ECT2: variants seen among roughly 807,000 people sequenced by gnomAD.
ECT2 encodes epithelial cell transforming 2.
Under a neutral mutation model 116.9 loss-of-function variants are expected in ECT2, and 61 were observed. The observed-to-expected ratio is 0.52, with a 90% CI of 0.42 to 0.65. The LOEUF (loss-of-function observed/expected upper bound fraction) is 0.65, where lower values mean the gene tolerates loss of function less well. Among genes scored for constraint, ECT2 ranks in the 30% least tolerant of loss-of-function variants. The pLI, the probability that ECT2 is intolerant of heterozygous loss-of-function variation, is 0.00. For missense variants in ECT2, 937 were observed against 1,078.7 expected (o/e 0.87, Z 1.84); for synonymous variants, 358 against 346.4 (o/e 1.03, Z -0.37).
intron 18 of ECT2, among the ~76,000 whole-genome samples, chr3:172,789,236 T>G (rs1170341594): frequency 2.7e-5 from 3 of 110,806 alleles, no homozygotes; most frequent in African/African-American, 6.2e-5. Flanking sequence ...TTTTTTTTTT[T>G]GAGACAGGAT....
chr3:172,757,160 G>A lies in ECT2; in HGVS notation c.481G>A (p.Gly161Arg). 3.3e-6 allele frequency: 5 copies of A among 1,496,672 alleles called. No homozygotes were observed. The highest frequency in any genetic ancestry group is 4.4e-6 in the Non-Finnish European group (5 of 1,127,058). 92.7% of individuals were successfully genotyped at this position (1,496,672 alleles called of 1,614,324 possible). A position where few individuals can be genotyped will look rare whatever the true frequency, so the allele number is the denominator to read the frequency against. Residue 161 changes from glycine (G) to arginine (R), a missense_variant, in exon 5 of 25, where the codon GGA (glycine) becomes AGA (arginine). Coordinates refer to ENST00000392692, the MANE Select transcript of ECT2 (RefSeq NM_001258315.2). Reference protein sequence around the residue: ...PPVVLNCSQKGEPLPFSCRPL... With the variant: ...PPVVLNCSQKREPLPFSCRPL... ...AGTTGTATTAAATTGTTCACAAAAA[G>A]GAGAGGTAAGCATATACATTTATTA...
At chr3:172,790,348 T>C (rs1032295042) in intron 18 of ECT2, among the ~76,000 whole-genome samples, 5 of 152,214 alleles carry the variant, frequency 3.3e-5, no homozygotes, top group Non-Finnish European at 7.4e-5. Flanking sequence ...GCTCAGGCCA[T>C]TCCTACCAAG....
rs149840548 is a variant in ECT2 at position 172,757,106 on chromosome 3, A to G, written c.427A>G (p.Lys143Glu). 1.1e-5 allele frequency: 18 copies of G among 1,596,206 alleles called. No homozygotes were observed. The African/African-American group carries it at 1.2e-4, about 11-fold the overall frequency. ...GGATTCTGTCTTTAATGACCTCTACAAGGCTGATTGTAGAGTTATTGGACC... is the reference window on the plus strand; with the variant it reads ...GGATTCTGTCTTTAATGACCTCTACGAGGCTGATTGTAGAGTTATTGGACC... ...FQDSVFNDLY[K>E]ADCRVIGPPV... The change falls in exon 5 of 25, where the codon AAG becomes GAG. Residue 143 changes from lysine to glutamate, a missense_variant. Physicochemically the swap from Lys to Glu is moderately conservative, Grantham distance 56. Transcript: ENST00000392692.
chr3:172,818,976 T>C (rs1730268131), intron 24 of ECT2, among the ~76,000 whole-genome samples: 1 of 152,064 alleles, frequency 6.6e-6, no homozygotes, highest in African/African-American at 2.4e-5. Context: ...GTTTCTTAAG[T>C]CCAGAAAAAA....
intron 24 of ECT2, among the ~76,000 whole-genome samples, chr3:172,819,206 AATGGTTAT>A (rs1370157458): frequency 6.6e-6 from 1 of 152,096 alleles, no homozygotes; most frequent in African/African-American, 2.4e-5. Flanking sequence ...TTGATACTTG[AATGGTTAT>A]ACTTCATCAA....
In ECT2 at chr3:172,805,866, G is replaced by A. The variant is rs1336811997; in HGVS notation, c.2242G>A (p.Glu748Lys). 1 of 1,612,728 alleles carries A rather than the reference G, an allele frequency of 6.2e-7. No individual in the cohort carries two copies. The highest frequency in any genetic ancestry group is 8.5e-7 in the Non-Finnish European group (1 of 1,179,328). Residue 748 changes from glutamate to lysine, a missense_variant, in exon 21 of 25, where the codon GAA becomes AAA. By Grantham distance (56) the Glu-to-Lys change is moderately conservative. Transcript: ENST00000392692. Reference protein sequence around the residue: ...IKKVLDIRETEDCHNAFALLV... With the variant: ...IKKVLDIRETKDCHNAFALLV... ...GAAGGTATTGGACATAAGAGAGACA[G>A]AAGGTATGCCGGTCGGATACATTCT...
intron 13 of ECT2, among the ~76,000 whole-genome samples, chr3:172,773,176 A>G (rs1450588215): frequency 6.6e-6 from 1 of 152,172 alleles, no homozygotes; most frequent in African/African-American, 2.4e-5. Context: ...CCATATGTCT[A>G]CATTTATTTA....
At chr3:172,816,582 T>C in intron 23 of ECT2, 109 bp from the exon 24 acceptor site, 1 of 828,644 alleles carries the variant, frequency 1.2e-6, no homozygotes, top group Non-Finnish European at 1.8e-6. Flanking sequence ...TCCTGCCACA[T>C]AGTACAGTAG....
Position 172,816,724 on chromosome 3 carries a change from A to G in ECT2, c.2542A>G (p.Lys848Glu). 1 of 1,607,502 alleles carries G rather than the reference A, an allele frequency of 6.2e-7. No homozygotes were observed. The highest frequency in any genetic ancestry group is 8.5e-7 in the Non-Finnish European group (1 of 1,175,598). The change falls in exon 24 of 25, where the codon AAA (lysine) becomes GAA (glutamate). Residue 848 changes from lysine (K) to glutamate (E), a missense_variant. Physicochemically the swap from Lys to Glu is moderately conservative, Grantham distance 56. Transcript: ENST00000392692. ...TRAFSFSKTP[K>E]RALRRALMTS... ...AGCATTCTCTTTCTCCAAAACTCCA[A>G]AAAGAGCTCTTCGAAGGGCTCTTAT...
chr3:172,768,932 A>G (rs1450634790), intron 12 of ECT2, 75 bp from the exon 13 acceptor site: 13 of 1,404,590 alleles, frequency 9.3e-6, no homozygotes, highest in Non-Finnish European at 9.5e-6. Flanking sequence ...TCTCCTTTTT[A>G]TCTTGTTAAG....
At chr3:172,811,999 T>TG (rs1728847694) in intron 22 of ECT2, among the ~76,000 whole-genome samples, 1 of 151,440 alleles carries the variant, frequency 6.6e-6, no homozygotes, top group African/African-American at 2.4e-5. Flanking sequence ...TTTTTTTTTT[T>TG]GGGAGACAAA....
At chr3:172,817,101 T>C (rs571485783) in intron 24 of ECT2, among the ~76,000 whole-genome samples, 2 of 152,236 alleles carry the variant, frequency 1.3e-5, no homozygotes, top group Non-Finnish European at 2.9e-5. Context: ...TCAGACTGGC[T>C]GTGTTTCAGG....
chr3:172,798,644 C>A (rs11923528), intron 18 of ECT2, among the ~76,000 whole-genome samples: 1 of 152,010 alleles, frequency 6.6e-6, no homozygotes, highest in South Asian at 2.1e-4. Context: ...TTAAGAAAAT[C>A]TCTCTCAAGC....
intron 16 of ECT2, 49 bp downstream of exon 16, chr3:172,783,958 A>C: frequency 8.2e-7 from 1 of 1,223,228 alleles, no homozygotes; most frequent in Non-Finnish European, 1.2e-6. Context: ...TTTCTGAAGT[A>C]ATTCACCACA....
chr3:172,807,323 C>T lies in ECT2; in HGVS notation c.2246-447C>T, dbSNP rs187133647. Among the ~76,000 whole-genome samples, 645 of 152,194 alleles carry T rather than the reference C, an allele frequency of 4.2e-3. 2 individuals are homozygous for T. The highest frequency in any genetic ancestry group is 7.5e-3 in the Non-Finnish European group (511 of 67,996). On this transcript the variant is annotated intron_variant, in intron 21 of 24. Transcript: ENST00000392692. ...TTCTACTGTTTTTTTCTACTATTTT[C>T]GGTCAGCAGTTGATTGAATCCACAG...
At chr3:172,795,467 A>G (rs879356781) in intron 18 of ECT2, among the ~76,000 whole-genome samples, 43 of 152,320 alleles carry the variant, frequency 2.8e-4, no homozygotes, top group Admixed American at 9.8e-4. Flanking sequence ...AATGATCTTC[A>G]TGTAATTCTT....
chr3:172,788,210 C>T (rs1723954735), intron 18 of ECT2, among the ~76,000 whole-genome samples: 1 of 152,112 alleles, frequency 6.6e-6, no homozygotes, highest in South Asian at 2.1e-4. Context: ...CCACTGTTAC[C>T]TATCAGATAT....
chr3:172,796,380 G>A (rs986616121), intron 18 of ECT2: 1 of 152,180 alleles, frequency 6.6e-6, no homozygotes, highest in Non-Finnish European at 1.5e-5. Flanking sequence ...TGTTTACAAC[G>A]AGTTTTACTT....
At chr3:172,776,535 CA>C (rs1316300479) in intron 14 of ECT2, among the ~76,000 whole-genome samples, 3 of 151,994 alleles carry the variant, frequency 2.0e-5, no homozygotes, top group African/African-American at 7.3e-5. Context: ...ATCTATTGAG[CA>C]AGAAGTTGGT....
Sources: gnomAD v4.1 joint callset for allele counts (sites outside exome capture counted in the v4.1 genomes callset) on GRCh38, gnomAD v4.1.1 for gene constraint, MANE v1.5 for transcripts, NCBI Gene and HGNC (gene_info 2026-07-23, HGNC 2026-07-21) for gene names.